The following SRPK2 variants were observed in gnomAD, a reference collection of about 807,000 sequenced individuals.
The protein encoded by SRPK2 is SFRS protein kinase 2.
Under a neutral mutation model 90.8 loss-of-function variants are expected in SRPK2, and 21 were observed. The observed-to-expected ratio is 0.23, with a 90% CI of 0.16 to 0.33. The LOEUF (loss-of-function observed/expected upper bound fraction) is 0.33. Ranked by LOEUF, SRPK2 falls within the 10% of genes least tolerant of loss-of-function variation. SRPK2 has a pLI of 1.00. For missense variants in SRPK2, 620 were observed against 869.0 expected (o/e 0.71, Z 3.60); for synonymous variants, 288 against 311.1 (o/e 0.93, Z 0.78).
At chr7:105,163,484 G>C (rs1006489069) in intron 6 of SRPK2, among the ~76,000 whole-genome samples, 3 of 152,004 alleles carry the variant, frequency 2.0e-5, no homozygotes, top group Non-Finnish European at 2.9e-5. Context: ...CAGACCATTT[G>C]CATCAATTTG....
intron 3 of SRPK2, among the ~76,000 whole-genome samples, chr7:105,201,028 T>C (rs1277486685): frequency 2.0e-5 from 3 of 152,188 alleles, no homozygotes; most frequent in Non-Finnish European, 4.4e-5. Flanking sequence ...TGTACTAAAG[T>C]ATTCAGGGAT....
At chr7:105,385,171 ATTTTTTTT>A (rs767913304) in intron 2 of SRPK2, among the ~76,000 whole-genome samples, 5 of 49,670 alleles carry the variant, frequency 1.0e-4, no homozygotes, top group Admixed American at 2.8e-4. Context: ...CGCGCCCGGC[ATTTTTTTT>A]TTTTTTTTTT....
intron 6 of SRPK2, 140 bp from the exon 7 acceptor site, chr7:105,160,753 A>C: frequency 1.8e-6 from 1 of 553,274 alleles, no homozygotes; most frequent in East Asian, 2.9e-5. Context: ...ACCAAAAGTG[A>C]GAAAATGTTG....
chr7:105,370,295 T>C (rs963153658), intron 2 of SRPK2, among the ~76,000 whole-genome samples: 2 of 152,176 alleles, frequency 1.3e-5, no homozygotes, highest in African/African-American at 4.8e-5. Flanking sequence ...TCTCCCACCC[T>C]ATCTACTAAA....
chr7:105,231,633 C>T (rs943164561), intron 2 of SRPK2, among the ~76,000 whole-genome samples: 8 of 152,170 alleles, frequency 5.3e-5, no homozygotes, highest in African/African-American at 1.9e-4. Flanking sequence ...TAATACTTCA[C>T]TGTGGTTTTG....
chr7:105,305,887 C>T (rs1811091527), intron 2 of SRPK2, among the ~76,000 whole-genome samples: 1 of 152,140 alleles, frequency 6.6e-6, no homozygotes, highest in African/African-American at 2.4e-5. Context: ...AAGTTCTGGA[C>T]TTTGAGGGAG....
At chr7:105,282,921 A>G (rs921577610) in intron 2 of SRPK2, among the ~76,000 whole-genome samples, 1 of 151,936 alleles carries the variant, frequency 6.6e-6, no homozygotes. Context: ...CATCCAGAAT[A>G]TATAAAGAAC....
chr7:105,314,930 T>C (rs1812151105), intron 2 of SRPK2, among the ~76,000 whole-genome samples: 1 of 152,202 alleles, frequency 6.6e-6, no homozygotes, highest in African/African-American at 2.4e-5. Flanking sequence ...TCTTAAGCAT[T>C]TAAAAACTCA....
chr7:105,227,700 C>A (rs1798879148), intron 2 of SRPK2, among the ~76,000 whole-genome samples: 1 of 152,062 alleles, frequency 6.6e-6, no homozygotes, highest in African/African-American at 2.4e-5. Flanking sequence ...TATAAGTTAT[C>A]ATACGACCCA....
intron 2 of SRPK2, among the ~76,000 whole-genome samples, chr7:105,380,517 TA>T (rs1458146599): frequency 1.2e-4 from 16 of 130,402 alleles, no homozygotes; most frequent in East Asian, 2.2e-4. Context: ...ATTAACATGC[TA>T]AAATTTTTTT....
At chr7:105,278,902 T>C (rs1050616327) in intron 2 of SRPK2, among the ~76,000 whole-genome samples, 1 of 152,196 alleles carries the variant, frequency 6.6e-6, no homozygotes, top group Non-Finnish European at 1.5e-5. Flanking sequence ...TTATACAACT[T>C]AGTATGGAAA....
intron 3 of SRPK2, among the ~76,000 whole-genome samples, chr7:105,176,816 G>T (rs527380213): frequency 5.3e-4 from 81 of 151,434 alleles, no homozygotes; most frequent in South Asian, 1.0e-3. Context: ...TGTATTTTTA[G>T]TAGAGACAGG....
intron 5 of SRPK2, 97 bp downstream of exon 5, chr7:105,167,911 A>G: frequency 1.8e-6 from 2 of 1,095,732 alleles, no homozygotes; most frequent in Non-Finnish European, 2.6e-6. Context: ...GTGCCCAGCC[A>G]AACTTGACTT....
At chr7:105,142,733 G>A (rs1297906235) in intron 10 of SRPK2, among the ~76,000 whole-genome samples, 4 of 152,132 alleles carry the variant, frequency 2.6e-5, no homozygotes, top group Admixed American at 2.6e-4. Flanking sequence ...TCTAAATAAA[G>A]TTGCACTTCC....
At chr7:105,363,968 G>A (rs1343533038) in intron 2 of SRPK2, among the ~76,000 whole-genome samples, 1 of 151,758 alleles carries the variant, frequency 6.6e-6, no homozygotes, top group African/African-American at 2.4e-5. Flanking sequence ...CTCACTCGTA[G>A]GTGGGAGCCG....
At chr7:105,396,806 GAA>G (rs1338411955) in intron 1 of SRPK2, among the ~76,000 whole-genome samples, 17 of 103,058 alleles carry the variant, frequency 1.6e-4, no homozygotes, top group Middle Eastern at 4.3e-3. Flanking sequence ...GAAAGAGAAA[GAA>G]AGAAAGAGAG....
At chr7:105,174,886 G>A (rs779068683) in intron 3 of SRPK2, among the ~76,000 whole-genome samples, 20 of 152,144 alleles carry the variant, frequency 1.3e-4, no homozygotes, top group African/African-American at 4.6e-4. Flanking sequence ...GCTCATGCCT[G>A]TAATCACAAC....
intron 2 of SRPK2, among the ~76,000 whole-genome samples, chr7:105,242,566 A>G (rs1800958861): frequency 6.6e-6 from 1 of 152,224 alleles, no homozygotes; most frequent in Non-Finnish European, 1.5e-5. Flanking sequence ...AAGGCAGATA[A>G]AACTCGACAG....
At chr7:105,332,774 AAAC>A (rs2131731981) in intron 2 of SRPK2, 1 of 151,152 alleles carries the variant, frequency 6.6e-6, no homozygotes, top group East Asian at 2.0e-4. Flanking sequence ...CAAAAAAAAA[AAAC>A]AACAAAAAGC....
Sources: allele counts gnomAD v4.1 joint callset (sites outside exome capture counted in the v4.1 genomes callset), GRCh38; gene constraint gnomAD v4.1.1; transcripts MANE v1.5; gene names NCBI Gene and HGNC (gene_info 2026-07-23, HGNC 2026-07-21).